HEATR5A: variants seen among roughly 807,000 people sequenced by gnomAD.
HEATR5A encodes HEAT repeat containing 5A.
A neutral mutation model predicts 218.8 loss-of-function variants in HEATR5A; 178 were observed. The observed-to-expected ratio is 0.81, with a 90% CI of 0.72 to 0.92. The LOEUF is 0.92. HEATR5A is among the 40% of genes least tolerant of loss of function. The pLI, the probability that HEATR5A is intolerant of heterozygous loss-of-function variation, is 0.00. For synonymous variants in HEATR5A, 864 were observed against 871.6 expected (o/e 0.99, Z 0.15); for missense variants, 2,420 against 2,418.9 (o/e 1.00, Z -0.01).
At position 31,345,095 on chromosome 14, in the gene HEATR5A, T is replaced by C; in HGVS notation, c.3050A>G (p.Glu1017Gly). The C allele has an allele frequency of 2.5e-6, 4 of 1,612,458 alleles. No individual in the cohort carries two copies. Among genetic ancestry groups the C allele is most frequent in the Non-Finnish European group, 3.4e-6 (4 of 1,179,524 alleles). The change falls in exon 20 of 36, where the codon GAG (glutamate) becomes GGG (glycine). Residue 1017 changes from glutamate to glycine, a missense_variant. Transcript: ENST00000543095. ...AAAGCAGCTATGCACACCTTGTAGC[T>C]CTGGACCTAACGTGGTAATAAGGGC... The part of the protein sequence containing the change: ...LNALITTLGP[E>G]LQGNSTSIST...
chr14:31,395,359 G>A lies in HEATR5A; in HGVS notation c.448-11C>T. On this transcript the variant is annotated splice_polypyrimidine_tract_variant and intron_variant, in intron 4 of 35. Coordinates refer to ENST00000543095, the MANE Select transcript of HEATR5A (RefSeq NM_015473.4). ...ATATCGGCCTTGAGACTTCCAAAAA[G>A]AAAAAAAATTAAATAGGAAAAATAA... The A allele has an allele frequency of 6.2e-6, 9 of 1,441,020 alleles. No homozygotes were observed. The highest frequency in any genetic ancestry group is 4.6e-5 in the Admixed American group (2 of 43,672). The allele number at this position is 1,441,020 out of a possible 1,614,324, so 89.3% of individuals were successfully genotyped here. A position where few individuals can be genotyped will look rare whatever the true frequency, so the allele number is the denominator to read the frequency against.
chr14:31,341,969 C>T (rs1900854476), intron 21 of HEATR5A, among the ~76,000 whole-genome samples: 2 of 151,794 alleles, frequency 1.3e-5, no homozygotes, highest in South Asian at 2.1e-4. Flanking sequence ...GGGAAGAGTC[C>T]CTGAATGGTA....
intron 14 of HEATR5A, among the ~76,000 whole-genome samples, chr14:31,359,285 A>AGTGTGTGTGTGT (rs1901535212): frequency 5.6e-4 from 7 of 12,570 alleles, no homozygotes; most frequent in Admixed American, 1.0e-3. Flanking sequence ...TCAAAGTGTA[A>AGTGTGTGTGTGT]GAGTGTGTGT....
At chr14:31,383,423 C>T in intron 10 of HEATR5A, 98 bp downstream of exon 10, 2 of 1,195,886 alleles carry the variant, frequency 1.7e-6, no homozygotes, top group Non-Finnish European at 1.2e-6. Flanking sequence ...GCTAGATGTA[C>T]AGCAAAATAA....
chr14:31,372,947 C>T, intron 12 of HEATR5A, among the ~76,000 whole-genome samples: 1 of 151,420 alleles, frequency 6.6e-6, no homozygotes, highest in Non-Finnish European at 1.5e-5. Flanking sequence ...CTCCCACACC[C>T]CTGGACCCTT....
intron 16 of HEATR5A, among the ~76,000 whole-genome samples, chr14:31,352,795 T>A (rs998085799): frequency 6.6e-6 from 1 of 151,812 alleles, no homozygotes; most frequent in African/African-American, 2.4e-5. Flanking sequence ...CCATCTCTAT[T>A]AAAAATATAA....
chr14:31,399,451 CT>C (rs759757474), intron 3 of HEATR5A, among the ~76,000 whole-genome samples: 18 of 152,152 alleles, frequency 1.2e-4, no homozygotes, highest in Non-Finnish European at 2.5e-4. Context: ...AAATAATGTT[CT>C]CATCAAGTTT....
intron 1 of HEATR5A, among the ~76,000 whole-genome samples, chr14:31,415,390 C>T (rs2031412330): frequency 6.6e-6 from 1 of 152,192 alleles, no homozygotes; most frequent in African/African-American, 2.4e-5. Context: ...TCTATTCCAT[C>T]AAATCCCCAC....
At chr14:31,301,592 TCCTCCTG>T (rs927371415) in intron 33 of HEATR5A, among the ~76,000 whole-genome samples, 45 of 152,102 alleles carry the variant, frequency 3.0e-4, no homozygotes, top group South Asian at 4.1e-4. Context: ...GTTTAAGCAA[TCCTCCTG>T]CCTCCTGCCT....
intron 19 of HEATR5A, among the ~76,000 whole-genome samples, chr14:31,345,914 G>GCA (rs35067283): frequency 3.6e-4 from 55 of 150,892 alleles, no homozygotes; most frequent in Middle Eastern, 3.4e-3. Flanking sequence ...ATGCACACAC[G>GCA]CACACACACA....
At chr14:31,347,417 G>T (rs541044012) in intron 19 of HEATR5A, among the ~76,000 whole-genome samples, 1 of 152,174 alleles carries the variant, frequency 6.6e-6, no homozygotes, top group South Asian at 2.1e-4. Context: ...TTACCATGTT[G>T]CCCAGACTGG....
At chr14:31,302,652 CTGT>C (rs1412789789) in intron 32 of HEATR5A, 133 bp from the exon 33 acceptor site, 3 of 638,706 alleles carry the variant, frequency 4.7e-6, no homozygotes, top group Non-Finnish European at 8.0e-6. Context: ...AGAATTATAA[CTGT>C]TAAGATAATG....
chr14:31,371,831 C>T lies in HEATR5A; in HGVS notation c.1940G>A (p.Cys647Tyr). ...VTQRLLPPLP[C>Y]AVDLLTQLSS... ...TTACTGAGTTAGCAAATCCACAGCACAAGGAAGTGGTGGAAGAAGACGCTG... is the reference window on the plus strand; with the variant it reads ...TTACTGAGTTAGCAAATCCACAGCATAAGGAAGTGGTGGAAGAAGACGCTG... The change falls in exon 13 of 36, where the codon TGT (cysteine) becomes TAT (tyrosine). Residue 647 changes from cysteine (C) to tyrosine (Y), a missense_variant. Cys to Tyr is a radical substitution (Grantham distance 194). Transcript: ENST00000543095. 2 of 1,537,992 alleles carry T rather than the reference C, an allele frequency of 1.3e-6. No homozygotes were observed. The highest frequency in any genetic ancestry group is 1.8e-6 in the Non-Finnish European group (2 of 1,136,390).
At chr14:31,375,490 C>T (rs1263224413) in intron 11 of HEATR5A, among the ~76,000 whole-genome samples, 1 of 152,118 alleles carries the variant, frequency 6.6e-6, no homozygotes, top group Non-Finnish European at 1.5e-5. Flanking sequence ...AATCTCAACC[C>T]CCCTGAGCTT....
chr14:31,368,288 A>T (rs1901879420), intron 13 of HEATR5A, among the ~76,000 whole-genome samples: 3 of 152,080 alleles, frequency 2.0e-5, no homozygotes. Context: ...CTCATCAGAC[A>T]CCCAATCTGC....
chr14:31,365,423 C>A (rs536386078), intron 13 of HEATR5A, among the ~76,000 whole-genome samples: 1 of 147,710 alleles, frequency 6.8e-6, no homozygotes, highest in Non-Finnish European at 1.5e-5. Context: ...TGCAGTGACG[C>A]GATCTTGGCT....
intron 26 of HEATR5A, among the ~76,000 whole-genome samples, chr14:31,317,294 A>ATTTT (rs35394095): frequency 3.1e-5 from 2 of 64,180 alleles, no homozygotes; most frequent in African/African-American, 1.3e-4. Flanking sequence ...CCCGGGCTAG[A>ATTTT]TTTTTTTTTT....
At chr14:31,293,827 T>C in intron 35 of HEATR5A, 64 bp downstream of exon 35, 1 of 1,360,818 alleles carries the variant, frequency 7.3e-7, no homozygotes, top group South Asian at 1.3e-5. Context: ...TGTTTTGCAA[T>C]TTAAATAACA....
rs1899081407 is a variant in HEATR5A, at chr14:31,293,503, T to C, written c.5943A>G (p.Leu1981=). 6.2e-7 allele frequency: 1 copy of C among 1,613,886 alleles called. No individual in the cohort carries two copies. The highest frequency in any genetic ancestry group is 8.5e-7 in the Non-Finnish European group (1 of 1,179,788). ...GAGGTCCAATTTGCATGAGATTTTG[T>C]AGAGCAAAGTCATGTAAATTTCTCA... The part of the protein sequence containing the change: ...SIMRNLHDFA[L]QNLMQIGPQY... The change falls in exon 36 of 36, where the codon CTA becomes CTG. Residue 1981 remains leucine, a synonymous_variant. Coordinates refer to ENST00000543095, the MANE Select transcript of HEATR5A (RefSeq NM_015473.4).
Sources: gnomAD v4.1 joint callset for allele counts (sites outside exome capture counted in the v4.1 genomes callset) on GRCh38, gnomAD v4.1.1 for gene constraint, MANE v1.5 for transcripts, NCBI Gene and HGNC (gene_info 2026-07-23, HGNC 2026-07-21) for gene names.